CDCA8: variants seen among roughly 807,000 people sequenced by gnomAD.
CDCA8 encodes cell division cycle associated 8.
In CDCA8, 25 loss-of-function variants were observed where a neutral mutation model predicts 40.0. The observed-to-expected ratio is 0.63, with a 90% CI of 0.46 to 0.87. The LOEUF is 0.87. Among genes scored for constraint, CDCA8 ranks in the 40% least tolerant of loss-of-function variants. The probability of loss-of-function intolerance (pLI) is 0.00; values close to 1 mark genes in which losing one functional copy is unlikely to be tolerated. For missense variants in CDCA8, 280 were observed against 348.4 expected, an observed-to-expected ratio of 0.80 and a Z score of 1.56; for synonymous variants, 111 against 126.5, an observed-to-expected ratio of 0.88 and a Z score of 0.82.
At chr1:37,701,698 A>C in intron 5 of CDCA8, 56 bp from the exon 6 acceptor site, 4 of 1,150,994 alleles carry the variant, frequency 3.5e-6, no homozygotes, top group Middle Eastern at 2.1e-4. Flanking sequence ...AACCCTCCTT[A>C]CCTTCCTCTT....
rs1050578427 is a variant in CDCA8 at position 37,698,768 on chromosome 1, T to C, written c.265-137T>C. The C allele has an allele frequency of 9.0e-6, 5 of 557,556 alleles. 1 individual carries two copies. The South Asian group carries it at 1.1e-4, about 12-fold the overall frequency. 34.5% of individuals were successfully genotyped at this position (557,556 alleles called of 1,614,324 possible). On this transcript the variant is annotated intron_variant, in intron 3 of 9. Coordinates refer to ENST00000373055, the MANE Select transcript of CDCA8 (RefSeq NM_001256875.2). Reference sequence around the variant, plus strand: ...GTGTGGTGGGTTTATGGGAGTTTGCTATATTGTATATTGTATCACTAACAT... The same window carrying C: ...GTGTGGTGGGTTTATGGGAGTTTGCCATATTGTATATTGTATCACTAACAT...
At position 37,700,423 on chromosome 1, in the gene CDCA8, C is replaced by T; in HGVS notation, c.338-13C>T. 6.5e-7 allele frequency: 1 copy of T among 1,537,532 alleles called. No homozygotes were observed. ...CATCAGAAATACCACCCTGTTGAAA[C>T]TGTTTCTTACAGCACGAAAGGTAAT... On this transcript the variant is annotated splice_polypyrimidine_tract_variant and intron_variant, in intron 4 of 9. Transcript: ENST00000373055.
intron 4 of CDCA8, among the ~76,000 whole-genome samples, chr1:37,699,830 G>A (rs1645551733): frequency 6.6e-6 from 1 of 152,006 alleles, no homozygotes; most frequent in South Asian, 2.1e-4. Flanking sequence ...TGAGACAGGA[G>A]AATGGCGTGA....
chr1:37,694,001 G>A (rs372577073), intron 2 of CDCA8, among the ~76,000 whole-genome samples: 18 of 152,158 alleles, frequency 1.2e-4, no homozygotes, highest in African/African-American at 3.1e-4. Context: ...TTAGCCGGGC[G>A]TGGTGGCGCA....
chr1:37,699,919 CAA>C (rs911015271), intron 4 of CDCA8, among the ~76,000 whole-genome samples: 6 of 130,070 alleles, frequency 4.6e-5, no homozygotes, highest in East Asian at 4.4e-4. Flanking sequence ...GACTCTGTCT[CAA>C]AAAAAAAAAA....
chr1:37,693,326 C>T (rs543290087), intron 2 of CDCA8, among the ~76,000 whole-genome samples: 1 of 152,152 alleles, frequency 6.6e-6, no homozygotes, highest in Admixed American at 6.5e-5. Context: ...GGCTGTATTC[C>T]AATAAAATTT....
rs760805616 is a variant in CDCA8 at position 37,706,961 on chromosome 1, C to T, written c.712-17C>T. 6.2e-7 allele frequency: 1 copy of T among 1,610,066 alleles called. No individual in the cohort carries two copies. Among genetic ancestry groups the T allele is most frequent in the Non-Finnish European group, 8.5e-7 (1 of 1,176,254 alleles). ...TAAGGGCCATGGCCAGTTTAACCCA[C>T]TCCCCTTTCTATTCAGAGCCTGCGA... is the stretch of plus-strand genomic sequence containing the variant. On this transcript the variant is annotated splice_polypyrimidine_tract_variant and intron_variant, in intron 8 of 9. Transcript: ENST00000373055.
chr1:37,697,811 A>G (rs1374001545), intron 3 of CDCA8, among the ~76,000 whole-genome samples: 32 of 152,228 alleles, frequency 2.1e-4, no homozygotes, highest in Admixed American at 2.0e-3. Flanking sequence ...CTGTTGCATC[A>G]AGCCTGGCAA....
intron 2 of CDCA8, among the ~76,000 whole-genome samples, chr1:37,695,313 A>T (rs915653744): frequency 3.5e-5 from 5 of 143,330 alleles, no homozygotes; most frequent in African/African-American, 1.3e-4. Flanking sequence ...GTATCACTTG[A>T]CCCCAGGAGT....
chr1:37,692,846 C>G (rs1345925117), intron 1 of CDCA8, 59 bp from the exon 2 acceptor site: 1 of 1,612,138 alleles, frequency 6.2e-7, no homozygotes, highest in Non-Finnish European at 8.5e-7. Flanking sequence ...GGTGGGGACA[C>G]GAGCTGCACA....
intron 6 of CDCA8, among the ~76,000 whole-genome samples, chr1:37,702,719 A>G (rs904961228): frequency 5.3e-5 from 8 of 152,254 alleles, no homozygotes; most frequent in Middle Eastern, 3.4e-3. Flanking sequence ...TGGGAGGCCA[A>G]GGCAGGTGGA....
intron 2 of CDCA8, among the ~76,000 whole-genome samples, chr1:37,693,724 T>G (rs1418343344): frequency 1.3e-5 from 2 of 152,160 alleles, no homozygotes; most frequent in Non-Finnish European, 2.9e-5. Flanking sequence ...TAAAAATATA[T>G]GTATATTTTA....
chr1:37,707,286 A>T (rs1645608465), intron 9 of CDCA8, among the ~76,000 whole-genome samples: 1 of 152,226 alleles, frequency 6.6e-6, no homozygotes, highest in Non-Finnish European at 1.5e-5. Context: ...CTGCCACAGA[A>T]GTTCCACTGC....
chr1:37,706,581 G>A (rs191145722), intron 8 of CDCA8, among the ~76,000 whole-genome samples: 3 of 152,338 alleles, frequency 2.0e-5, no homozygotes, highest in Admixed American at 6.5e-5. Flanking sequence ...GGGCACCACC[G>A]AGGTATGCGC....
At chr1:37,707,402 G>C (rs1227208400) in intron 9 of CDCA8, among the ~76,000 whole-genome samples, 1 of 152,152 alleles carries the variant, frequency 6.6e-6, no homozygotes, top group Non-Finnish European at 1.5e-5. Context: ...TGAGGGTCGG[G>C]GCTTGTTATC....
chr1:37,706,535 C>T (rs74067221), intron 8 of CDCA8, among the ~76,000 whole-genome samples: 5,115 of 152,228 alleles, frequency 0.034, 285 homozygotes, highest in African/African-American at 0.12. Flanking sequence ...CTGTGATATG[C>T]GCAATAATAG....
intron 4 of CDCA8, 70 bp from the exon 5 acceptor site, chr1:37,700,366 A>G: frequency 1.1e-6 from 1 of 883,170 alleles, no homozygotes; most frequent in Non-Finnish European, 1.9e-6. Context: ...TTTTATTCCT[A>G]TAAGAAATGT....
At chr1:37,692,875 C>G (rs1645480409) in intron 1 of CDCA8, 30 bp from the exon 2 acceptor site, 1 of 1,613,374 alleles carries the variant, frequency 6.2e-7, no homozygotes, top group African/African-American at 1.3e-5. Flanking sequence ...CGCCCGTGAC[C>G]CGTGTCCTGT....
chr1:37,694,888 C>T (rs1301367274), intron 2 of CDCA8, among the ~76,000 whole-genome samples: 1 of 152,226 alleles, frequency 6.6e-6, no homozygotes, highest in Non-Finnish European at 1.5e-5. Context: ...CCTTTTCATT[C>T]AACACGTTTA....
Sources: gnomAD v4.1 joint callset for allele counts (sites outside exome capture counted in the v4.1 genomes callset) on GRCh38, gnomAD v4.1.1 for gene constraint, MANE v1.5 for transcripts, NCBI Gene and HGNC (gene_info 2026-07-23, HGNC 2026-07-21) for gene names.